SECISBP2: variants seen among roughly 807,000 people sequenced by gnomAD.
SECISBP2 encodes the protein selenocysteine insertion sequence-binding protein 2.
In SECISBP2, 96 loss-of-function variants were observed where a neutral mutation model predicts 98.2. The observed-to-expected ratio is 0.98, with a 90% CI of 0.83 to 1.16. The LOEUF is 1.16. Ranked by LOEUF, SECISBP2 falls within the 50% of genes most tolerant of loss-of-function variation. The pLI, the probability that SECISBP2 is intolerant of heterozygous loss-of-function variation, is 0.00. For synonymous variants in SECISBP2, 407 were observed against 370.2 expected (o/e 1.10, Z -1.14); for missense variants, 1,046 against 1,022.9 (o/e 1.02, Z -0.31).
Position 89,328,875 on chromosome 9 carries a change from G to T in SECISBP2, c.790G>T (p.Val264Leu). 1.9e-6 allele frequency: 3 copies of T among 1,613,532 alleles called. No individual in the cohort carries two copies. Among genetic ancestry groups the T allele is most frequent in the Non-Finnish European group, 1.7e-6 (2 of 1,179,478 alleles). The change falls in exon 5 of 17, where the codon GTG (valine) becomes TTG (leucine). Residue 264 changes from valine to leucine, a missense_variant. Physicochemically the swap from Val to Leu is conservative, Grantham distance 32. Coordinates refer to ENST00000375807, the MANE Select transcript of SECISBP2 (RefSeq NM_024077.5). ...AAGAGAAGTAGTAAAACCAGCTGCAGTGTTATCAAAGGTGAGGTGAGGGTT... is the reference window on the plus strand; with the variant it reads ...AAGAGAAGTAGTAAAACCAGCTGCATTGTTATCAAAGGTGAGGTGAGGGTT... ...LLREVVKPAA[V>L]LSKGEIVVKN...
At chr9:89,328,558 G>A in intron 4 of SECISBP2, 102 bp from the exon 5 acceptor site, 1 of 832,306 alleles carries the variant, frequency 1.2e-6, no homozygotes, top group East Asian at 2.6e-5. Context: ...ACAACCTGTT[G>A]CATCAATAGC....
rs915661625 is a variant in SECISBP2, at chr9:89,326,039, G to A, written c.574+1G>A. The A allele has an allele frequency of 1.2e-6, 2 of 1,611,828 alleles. No individual in the cohort carries two copies. The highest frequency in any genetic ancestry group is 1.7e-6 in the Non-Finnish European group (2 of 1,179,974). ...TACGCTGAGAATAGTTTGAAATCAG[G>A]TAAAAATAACCAACAATGTAGTATA... On this transcript the variant is annotated splice_donor_variant, in intron 4 of 16. Coordinates refer to ENST00000375807, the MANE Select transcript of SECISBP2 (RefSeq NM_024077.5). LOFTEE classifies it high-confidence loss of function.
At chr9:89,337,746 C>T (rs113799948) in intron 7 of SECISBP2, among the ~76,000 whole-genome samples, 11 of 152,336 alleles carry the variant, frequency 7.2e-5, no homozygotes, top group African/African-American at 2.6e-4. Context: ...GTTCCCTGCC[C>T]TTTTAGAGCC....
chr9:89,334,057 T>C, intron 6 of SECISBP2: 4 of 1,096,658 alleles, frequency 3.6e-6, no homozygotes, highest in Non-Finnish European at 4.5e-6. Flanking sequence ...GTAGTGTTGC[T>C]GTACTTATGC....
the SECISBP2 span, chr9:89,365,525 A>G: frequency 6.6e-6 from 1 of 152,262 alleles, no homozygotes; most frequent in African/African-American, 2.4e-5. Context: ...CCTCGTAAGA[A>G]TTGGTCTTTA....
intron 4 of SECISBP2, among the ~76,000 whole-genome samples, chr9:89,327,790 A>G (rs1827010206): frequency 6.7e-6 from 1 of 150,148 alleles, no homozygotes; most frequent in Admixed American, 6.6e-5. Flanking sequence ...TTTATACTTA[A>G]GTTTTTCTTT....
Position 89,349,960 on chromosome 9 carries a change from G to A in SECISBP2, c.1892+31G>A, listed in dbSNP as rs763726066. On this transcript the variant is annotated intron_variant, in intron 13 of 16. Transcript: ENST00000375807. ...TGAGCCCCTGCCTGCCAGGGACTAG[G>A]GGAAGATGGAAGTGCTTCGGTTCAG... 9 of 1,613,414 alleles carry A rather than the reference G, an allele frequency of 5.6e-6. No individual in the cohort carries two copies. In the South Asian group the frequency reaches 9.9e-5, roughly 18 times the overall value.
chr9:89,357,289 G>A (rs1331216370), intron 14 of SECISBP2, 122 bp from the exon 15 acceptor site: 15 of 1,050,084 alleles, frequency 1.4e-5, no homozygotes, highest in South Asian at 3.8e-5. Flanking sequence ...TTTCAGGGGC[G>A]TCTGCCTTGG....
intron 12 of SECISBP2, 32 bp downstream of exon 12, chr9:89,348,246 T>C: frequency 6.2e-7 from 1 of 1,613,596 alleles, no homozygotes; most frequent in Non-Finnish European, 8.5e-7. Flanking sequence ...TTAAGAATAA[T>C]TTAAACGAGA....
chr9:89,321,403 A>G (rs1158877405), intron 2 of SECISBP2, among the ~76,000 whole-genome samples: 1 of 151,946 alleles, frequency 6.6e-6, no homozygotes, highest in Non-Finnish European at 1.5e-5. Context: ...GTGGTGGCTC[A>G]TGCCTGTAAT....
intron 5 of SECISBP2, 127 bp from the exon 6 acceptor site, chr9:89,332,781 T>G: frequency 1.3e-6 from 1 of 775,718 alleles, no homozygotes; most frequent in African/African-American, 1.7e-5. Flanking sequence ...GGCTGTAACG[T>G]TTTTCATTCT....
chr9:89,334,799 GTTAT>G, intron 7 of SECISBP2, 69 bp downstream of exon 7: 1 of 1,158,730 alleles, frequency 8.6e-7, no homozygotes. Flanking sequence ...GGAATGAGAA[GTTAT>G]TTATTAATGG....
At chr9:89,319,514 G>A (rs2131502370) in intron 1 of SECISBP2, 138 bp from the exon 2 acceptor site, 1 of 958,920 alleles carries the variant, frequency 1.0e-6, no homozygotes, top group African/African-American at 1.6e-5. Context: ...GCAGGTTCTT[G>A]TCTTTACGAG....
At chr9:89,364,913 G>T in the SECISBP2 span, 20 of 152,072 alleles carry the variant, frequency 1.3e-4, no homozygotes, top group African/African-American at 4.8e-4. Context: ...AGGTGGCTGG[G>T]GTGGGGCTGT....
intron 7 of SECISBP2, among the ~76,000 whole-genome samples, chr9:89,337,869 G>C (rs76834777): frequency 6.6e-5 from 10 of 152,212 alleles, no homozygotes; most frequent in Non-Finnish European, 4.4e-5. Context: ...AGAAAGCAAC[G>C]GGTAGATGGA....
At chr9:89,355,077 G>C (rs951715547) in intron 14 of SECISBP2, 1 of 985,242 alleles carries the variant, frequency 1.0e-6, no homozygotes, top group African/African-American at 1.7e-5. Context: ...CAGAATAAGG[G>C]CTGTGGGTTT....
At position 89,325,511 on chromosome 9, in the gene SECISBP2, A is replaced by T. The variant is rs1431066236; in HGVS notation, c.267A>T (p.Pro89=). Residue 89 remains proline, a synonymous_variant, in exon 3 of 17, where the codon CCA becomes CCT. Transcript: ENST00000375807. ...QYLSSEITLH[P]YAYSPYTLDS... is the part of the protein sequence containing the mutation. ...TATCTTCTGAGATAACTCTTCATCC[A>T]TATGCCTATTCTCCTTATACCCTTG... 1.2e-6 allele frequency: 2 copies of T among 1,613,872 alleles called. No individual in the cohort carries two copies. Among genetic ancestry groups the T allele is most frequent in the Non-Finnish European group, 8.5e-7 (1 of 1,179,946 alleles).
chr9:89,319,399 GTGT>G (rs10573287), intron 1 of SECISBP2, among the ~76,000 whole-genome samples: 2,031 of 152,054 alleles, frequency 0.013, 37 homozygotes, highest in African/African-American at 0.045. Flanking sequence ...TATATAATCT[GTGT>G]TGTTTTATTT....
intron 13 of SECISBP2, 65 bp from the exon 14 acceptor site, chr9:89,350,567 G>C: frequency 1.4e-6 from 2 of 1,407,164 alleles, no homozygotes; most frequent in Non-Finnish European, 2.0e-6. Flanking sequence ...CCTGGGGTGG[G>C]ATGGGAGCAG....
Sources: gnomAD v4.1 joint callset for allele counts (sites outside exome capture counted in the v4.1 genomes callset) on GRCh38, gnomAD v4.1.1 for gene constraint, MANE v1.5 for transcripts, NCBI Gene and HGNC (gene_info 2026-07-23, HGNC 2026-07-21) for gene names.